Variants in SMIM7 observed in about 807,000 individuals in gnomAD.
SMIM7 encodes the protein small integral membrane protein 7, also known as UPF0608 protein C19orf42.
In SMIM7, 12 loss-of-function variants were observed where a neutral mutation model predicts 13.3. That is an observed-to-expected ratio of 0.90 (90% CI 0.58 to 1.46). The LOEUF (loss-of-function observed/expected upper bound fraction) is 1.46, where lower values mean the gene tolerates loss of function less well. SMIM7 is among the 40% of genes most tolerant of loss of function. The pLI, the probability that SMIM7 is intolerant of heterozygous loss-of-function variation, is 0.00. For synonymous variants in SMIM7, 36 were observed against 35.8 expected (o/e 1.01, Z -0.02); for missense variants, 114 against 94.8 (o/e 1.20, Z -0.84).
intron 4 of SMIM7, among the ~76,000 whole-genome samples, chr19:16,650,580 C>T (rs8104149): frequency 0.096 from 14,520 of 151,982 alleles, 869 homozygotes; most frequent in African/African-American, 0.17. Context: ...TGTGGTGGTG[C>T]GTGCCTGTAG....
chr19:16,659,252 C>CA (rs2086636917), intron 3 of SMIM7, 143 bp downstream of exon 3: 1 of 792,978 alleles, frequency 1.3e-6, no homozygotes. Context: ...CACTGCACTC[C>CA]AACCTGGACA....
chr19:16,659,900 A>G, intron 2 of SMIM7, 59 bp downstream of exon 2: 2 of 1,560,578 alleles, frequency 1.3e-6, no homozygotes. Flanking sequence ...GATCACGCTT[A>G]TGAGGGCGGG....
intron 4 of SMIM7, among the ~76,000 whole-genome samples, chr19:16,635,747 G>A (rs141735773): frequency 6.6e-6 from 1 of 151,744 alleles, no homozygotes; most frequent in African/African-American, 2.4e-5. Context: ...AGCTGGGCCT[G>A]GTGGCAGGCG....
chr19:16,642,690 T>A (rs923409053), downstream of SMIM7, among the ~76,000 whole-genome samples: 1 of 151,824 alleles, frequency 6.6e-6, no homozygotes, highest in Non-Finnish European at 1.5e-5. Flanking sequence ...AAAATAAAAA[T>A]AAAAAAATAA....
intron 4 of SMIM7, chr19:16,652,850 T>C (rs2086545986): frequency 2.6e-6 from 4 of 1,550,402 alleles, no homozygotes; most frequent in Non-Finnish European, 3.5e-6. Flanking sequence ...GATTCTCCCG[T>C]CGTGTCTTTT....
chr19:16,648,898 C>T (rs1016993060), intron 4 of SMIM7, among the ~76,000 whole-genome samples: 17 of 152,068 alleles, frequency 1.1e-4, no homozygotes, highest in African/African-American at 3.9e-4. Flanking sequence ...CACCCATAGT[C>T]CCACTACTTA....
downstream of SMIM7, among the ~76,000 whole-genome samples, chr19:16,642,745 G>C (rs932232835): frequency 6.6e-6 from 1 of 151,908 alleles, no homozygotes; most frequent in Non-Finnish European, 1.5e-5. Context: ...TTGGGAGACT[G>C]AGGTGGGAGG....
chr19:16,659,681 C>T (rs559244251), intron 2 of SMIM7: 37 of 650,486 alleles, frequency 5.7e-5, no homozygotes, highest in African/African-American at 1.6e-4. Flanking sequence ...GGGTGCAGGG[C>T]GGAAGGTCCG....
At chr19:16,659,773 G>A (rs2086648608) in intron 2 of SMIM7, 186 bp downstream of exon 2, 1 of 755,720 alleles carries the variant, frequency 1.3e-6, no homozygotes, top group Non-Finnish European at 2.2e-6. Context: ...GGAGAGTATG[G>A]GTTTAAGGTC....
chr19:16,660,059 T>G, intron 1 of SMIM7, 26 bp downstream of exon 1: 1 of 1,614,186 alleles, frequency 6.2e-7, no homozygotes. Flanking sequence ...GGCTCTCTCT[T>G]CCCAGCCTCT....
intron 4 of SMIM7, among the ~76,000 whole-genome samples, chr19:16,635,899 A>AAATATAT (rs1200181092): frequency 9.0e-4 from 99 of 109,562 alleles, no homozygotes; most frequent in African/African-American, 4.0e-3. Flanking sequence ...AAAAAAAAAA[A>AAATATAT]ATATATATAT....
At chr19:16,635,899 A>AAAAAAAAAAAAAAAAAT (rs1200181092) in intron 4 of SMIM7, among the ~76,000 whole-genome samples, 1 of 109,600 alleles carries the variant, frequency 9.1e-6, no homozygotes, top group African/African-American at 4.3e-5. Flanking sequence ...AAAAAAAAAA[A>AAAAAAAAAAAAAAAAAT]ATATATATAT....
downstream of SMIM7, among the ~76,000 whole-genome samples, chr19:16,643,066 T>C (rs192358848): frequency 3.4e-3 from 520 of 151,968 alleles, 2 homozygotes; most frequent in African/African-American, 0.012. Context: ...CCTCCCAAAG[T>C]GCTGGGATTA....
chr19:16,639,182 C>T (rs941819227), intron 4 of SMIM7, among the ~76,000 whole-genome samples: 26 of 144,024 alleles, frequency 1.8e-4, no homozygotes, highest in Non-Finnish European at 2.2e-4. Context: ...AGTGCAGTGG[C>T]GTGATCTCGG....
At chr19:16,631,889 T>C (rs117677324) in intron 4 of SMIM7, among the ~76,000 whole-genome samples, 4 of 66,344 alleles carry the variant, frequency 6.0e-5, no homozygotes, top group South Asian at 3.7e-4. Context: ...TTTTTTTTTT[T>C]CGAGAGAGTC....
intron 4 of SMIM7, chr19:16,634,414 A>C (rs1174012520): frequency 3.3e-5 from 5 of 152,130 alleles, no homozygotes; most frequent in Non-Finnish European, 7.3e-5. Flanking sequence ...GTCCAGGCTA[A>C]AGCTTTAAGG....
At chr19:16,644,183 C>T (rs536415677), downstream of SMIM7, among the ~76,000 whole-genome samples, 5 of 140,074 alleles carry the variant, frequency 3.6e-5, no homozygotes, top group Admixed American at 7.6e-5. Flanking sequence ...TGCAATGGCG[C>T]GATCTCGGCT....
intron 4 of SMIM7, among the ~76,000 whole-genome samples, chr19:16,648,535 C>T (rs150823289): frequency 1.3e-5 from 2 of 152,070 alleles, no homozygotes; most frequent in East Asian, 1.9e-4. Flanking sequence ...AAAATACGCA[C>T]GTGATAATGG....
chr19:16,648,172 ACT>A (rs2086474325), intron 4 of SMIM7, among the ~76,000 whole-genome samples: 1 of 151,802 alleles, frequency 6.6e-6, no homozygotes, highest in Admixed American at 6.6e-5. Context: ...ATGGACTCTC[ACT>A]CTGTTGCTCA....
Sources: gnomAD v4.1 joint callset for allele counts (sites outside exome capture counted in the v4.1 genomes callset) on GRCh38, gnomAD v4.1.1 for gene constraint, MANE v1.5 for transcripts, NCBI Gene and HGNC (gene_info 2026-07-23, HGNC 2026-07-21) for gene names.